Variants in ST3GAL1 observed in about 807,000 individuals in gnomAD.
ST3GAL1 encodes ST3 beta-galactoside alpha-2,3-sialyltransferase 1.
In ST3GAL1, 16 loss-of-function variants were observed where a neutral mutation model predicts 34.1. That is an observed-to-expected ratio of 0.47 (90% CI 0.32 to 0.71). ST3GAL1 has a LOEUF of 0.71. Ranked by LOEUF, ST3GAL1 falls within the 30% of genes least tolerant of loss-of-function variation. ST3GAL1 has a pLI of 0.04. For missense variants in ST3GAL1, 353 were observed against 447.4 expected (o/e 0.79, Z 1.90); for synonymous variants, 191 against 184.7 (o/e 1.03, Z -0.28).
chr8:133,503,466 GC>G (rs1409580972), intron 2 of ST3GAL1, among the ~76,000 whole-genome samples: 1 of 150,084 alleles, frequency 6.7e-6, no homozygotes, highest in Non-Finnish European at 1.5e-5. Flanking sequence ...CTCCCCCTCC[GC>G]CCCATCTCCG....
intron 3 of ST3GAL1, among the ~76,000 whole-genome samples, chr8:133,479,540 T>G (rs757638806): frequency 6.6e-6 from 1 of 152,330 alleles, no homozygotes; most frequent in Middle Eastern, 3.4e-3. Flanking sequence ...GCACCCCTAA[T>G]GCCAGGGCAG....
In ST3GAL1 at chr8:133,551,252, G is replaced by A. The variant is rs181957490; in HGVS notation, c.-581-5326C>T. Among the ~76,000 whole-genome samples, 16 of 152,200 alleles carry A rather than the reference G, an allele frequency of 1.1e-4. No homozygotes were observed. The East Asian group carries it at 1.5e-3, about 15-fold the overall frequency. ...TGGGAGACCGAGGCAGGTGGATCAC[G>A]AGGTCAAGAGATCAAGATTATCCTG... On this transcript the variant is annotated intron_variant, in intron 1 of 9. Coordinates refer to ENST00000522652, the MANE Select transcript of ST3GAL1 (RefSeq NM_173344.3).
rs950373096 is a variant in ST3GAL1 at position 133,546,590 on chromosome 8, T to C, written c.-581-664A>G. 3.9e-5 allele frequency among the ~76,000 whole-genome samples: 6 copies of C among 152,146 alleles called. No individual in the cohort carries two copies. In the South Asian group the frequency reaches 1.2e-3, roughly 31 times the overall value. ...AACAAAGCACTAATGAGGTGCTGTTTAGTAAAAACACAAAACATGGGGAAA... is the reference window on the plus strand; with the variant it reads ...AACAAAGCACTAATGAGGTGCTGTTCAGTAAAAACACAAAACATGGGGAAA... On this transcript the variant is annotated intron_variant, in intron 1 of 9. Transcript: ENST00000522652.
At chr8:133,472,645 C>T (rs770971484) in intron 5 of ST3GAL1, among the ~76,000 whole-genome samples, 1 of 152,176 alleles carries the variant, frequency 6.6e-6, no homozygotes, top group Non-Finnish European at 1.5e-5. Flanking sequence ...ATTATCTGTG[C>T]ATTTTTTAGA....
At chr8:133,538,667 C>T (rs1034595233) in intron 2 of ST3GAL1, among the ~76,000 whole-genome samples, 12 of 152,336 alleles carry the variant, frequency 7.9e-5, no homozygotes, top group African/African-American at 2.6e-4. Flanking sequence ...TTAGACATCC[C>T]ACCTTCACAC....
intron 2 of ST3GAL1, among the ~76,000 whole-genome samples, chr8:133,510,528 T>A (rs1486312474): frequency 6.6e-6 from 1 of 152,154 alleles, no homozygotes; most frequent in African/African-American, 2.4e-5. Flanking sequence ...CCCTCAGACT[T>A]CTCCTCTGTA....
intron 1 of ST3GAL1, among the ~76,000 whole-genome samples, chr8:133,563,504 A>G (rs1414323501): frequency 2.0e-5 from 3 of 152,218 alleles, no homozygotes; most frequent in Admixed American, 6.5e-5. Flanking sequence ...CCCACGCTAA[A>G]GTTCCAGGTC....
chr8:133,481,693 T>C (rs1816398671), intron 3 of ST3GAL1, among the ~76,000 whole-genome samples: 1 of 151,956 alleles, frequency 6.6e-6, no homozygotes, highest in African/African-American at 2.4e-5. Flanking sequence ...ACGAGGTTTC[T>C]CCATGTTGGT....
intron 2 of ST3GAL1, among the ~76,000 whole-genome samples, chr8:133,540,932 G>GAC (rs1818479221): frequency 7.1e-5 from 2 of 27,986 alleles, no homozygotes; most frequent in Admixed American, 3.6e-4. Flanking sequence ...TATATATATA[G>GAC]ACATATATAG....
At chr8:133,531,814 G>GAAAAAAAAAAAA (rs55909710) in intron 2 of ST3GAL1, among the ~76,000 whole-genome samples, 1 of 99,856 alleles carries the variant, frequency 1.0e-5, no homozygotes, top group Non-Finnish European at 2.1e-5. Context: ...CTTAAAAACA[G>GAAAAAAAAAAAA]AAAAAAAAAA....
rs1816543849 is a variant in ST3GAL1, at chr8:133,485,343, C to T, written c.-373-8743G>A. 2.6e-5 allele frequency among the ~76,000 whole-genome samples: 4 copies of T among 152,208 alleles called. No individual in the cohort carries two copies. In the South Asian group the frequency reaches 8.3e-4, roughly 32 times the overall value. ...GTGTAGCTGCCCCAGAATCTGGACTCCAGAACCTGCCTTCTTCTACCTCCA... is the reference window on the plus strand; with the variant it reads ...GTGTAGCTGCCCCAGAATCTGGACTTCAGAACCTGCCTTCTTCTACCTCCA... On this transcript the variant is annotated intron_variant, in intron 3 of 9. Coordinates refer to ENST00000522652, the MANE Select transcript of ST3GAL1 (RefSeq NM_173344.3).
At chr8:133,484,734 G>A (rs1174041571) in intron 3 of ST3GAL1, among the ~76,000 whole-genome samples, 1 of 152,148 alleles carries the variant, frequency 6.6e-6, no homozygotes, top group African/African-American at 2.4e-5. Flanking sequence ...AGAGCTAGAG[G>A]CACCTGGTTG....
At chr8:133,550,546 C>A (rs1237559101) in intron 1 of ST3GAL1, among the ~76,000 whole-genome samples, 1 of 152,158 alleles carries the variant, frequency 6.6e-6, no homozygotes, top group Non-Finnish European at 1.5e-5. Context: ...CTTCCTAATA[C>A]CAGGCGAATT....
At chr8:133,523,591 T>C (rs1220684375) in intron 2 of ST3GAL1, among the ~76,000 whole-genome samples, 2 of 152,222 alleles carry the variant, frequency 1.3e-5, no homozygotes, top group African/African-American at 2.4e-5. Flanking sequence ...AATGGCCACT[T>C]GTCCTGCTCT....
chr8:133,492,717 G>T (rs1276130559), intron 3 of ST3GAL1, among the ~76,000 whole-genome samples: 11 of 152,256 alleles, frequency 7.2e-5, no homozygotes, highest in Admixed American at 5.2e-4. Flanking sequence ...GCAAAACTCT[G>T]TCTCAAAAAA....
At chr8:133,561,180 C>T (rs975131514) in intron 1 of ST3GAL1, among the ~76,000 whole-genome samples, 1 of 150,780 alleles carries the variant, frequency 6.6e-6, no homozygotes, top group African/African-American at 2.5e-5. Flanking sequence ...GCAAGATCCC[C>T]TGTTCCCAAA....
At chr8:133,541,398 G>T (rs915260577) in intron 2 of ST3GAL1, among the ~76,000 whole-genome samples, 7 of 152,072 alleles carry the variant, frequency 4.6e-5, no homozygotes, top group African/African-American at 1.4e-4. Flanking sequence ...CTGCAGAGAC[G>T]CCTGGTTCTG....
chr8:133,540,681 C>T (rs1005091352), intron 2 of ST3GAL1, among the ~76,000 whole-genome samples: 13 of 148,110 alleles, frequency 8.8e-5, no homozygotes, highest in Middle Eastern at 3.4e-3. Context: ...GGACCCCCTG[C>T]CCCTGCCCAC....
At chr8:133,520,839 C>CCAGCTCACTG (rs1817784482) in intron 2 of ST3GAL1, among the ~76,000 whole-genome samples, 1 of 147,446 alleles carries the variant, frequency 6.8e-6, no homozygotes. Context: ...TGGTGCGATT[C>CCAGCTCACTG]CAGCTCACTG....
Sources: allele counts gnomAD v4.1 joint callset (sites outside exome capture counted in the v4.1 genomes callset), GRCh38; gene constraint gnomAD v4.1.1; transcripts MANE v1.5; gene names NCBI Gene and HGNC (gene_info 2026-07-23, HGNC 2026-07-21).